The following MYCBP2 variants were observed in gnomAD, a reference collection of about 807,000 sequenced individuals.
MYCBP2 encodes E3 ubiquitin-protein ligase MYCBP2.
In MYCBP2, 120 loss-of-function variants were observed where a neutral mutation model predicts 525.3. The observed-to-expected ratio is 0.23, with a 90% CI of 0.20 to 0.27. The LOEUF is 0.27. MYCBP2 is among the 10% of genes least tolerant of loss of function. The pLI is 1.00. For missense variants in MYCBP2, 4,149 were observed against 5,657.1 expected (o/e 0.73, Z 8.55); for synonymous variants, 1,894 against 1,955.8 (o/e 0.97, Z 0.83).
intron 1 of MYCBP2, among the ~76,000 whole-genome samples, chr13:77,317,809 C>T (rs1029520068): frequency 4.6e-5 from 7 of 152,106 alleles, no homozygotes; most frequent in Non-Finnish European, 1.0e-4. Flanking sequence ...TGGTGATGTG[C>T]ACCTGTAGTC....
intron 49 of MYCBP2, 77 bp from the exon 50 acceptor site, chr13:77,141,020 TC>T (rs1262908326): frequency 2.7e-5 from 27 of 998,224 alleles, no homozygotes; most frequent in Non-Finnish European, 4.1e-5. Context: ...CTTATAAACA[TC>T]CACAGGCTAT....
intron 52 of MYCBP2, among the ~76,000 whole-genome samples, chr13:77,129,895 T>C (rs565123008): frequency 6.6e-6 from 1 of 152,016 alleles, no homozygotes; most frequent in South Asian, 2.1e-4. Flanking sequence ...TAATCAATTT[T>C]ATCAAAAGAC....
intron 30 of MYCBP2, among the ~76,000 whole-genome samples, chr13:77,188,606 A>G (rs2060986283): frequency 6.6e-6 from 1 of 152,158 alleles, no homozygotes; most frequent in Non-Finnish European, 1.5e-5. Flanking sequence ...TCAAGTAGTA[A>G]TCACGCTTTT....
At chr13:77,088,212 T>A (rs1049826815) in intron 61 of MYCBP2, among the ~76,000 whole-genome samples, 2 of 152,144 alleles carry the variant, frequency 1.3e-5, no homozygotes, top group African/African-American at 4.8e-5. Flanking sequence ...TTTTTTCAAA[T>A]CACATTTTAC....
intron 26 of MYCBP2, among the ~76,000 whole-genome samples, chr13:77,195,490 G>C (rs550514212): frequency 3.9e-5 from 6 of 152,020 alleles, no homozygotes; most frequent in Non-Finnish European, 7.4e-5. Flanking sequence ...CCAGCTACTC[G>C]GGAAGCTGAG....
chr13:77,127,162 G>A (rs1161575060), intron 52 of MYCBP2, among the ~76,000 whole-genome samples: 8 of 151,960 alleles, frequency 5.3e-5, no homozygotes, highest in Middle Eastern at 3.4e-3. Flanking sequence ...AAATAAAAAC[G>A]TCTTGCTAGA....
intron 18 of MYCBP2, among the ~76,000 whole-genome samples, chr13:77,228,762 A>T (rs1172176094): frequency 6.6e-6 from 1 of 151,656 alleles, no homozygotes; most frequent in Non-Finnish European, 1.5e-5. Context: ...AGTAGCTACA[A>T]AGCCTTGGCA....
intron 28 of MYCBP2, among the ~76,000 whole-genome samples, chr13:77,190,654 G>GC (rs966573012): frequency 6.6e-6 from 1 of 152,092 alleles, no homozygotes; most frequent in African/African-American, 2.4e-5. Context: ...TTGACTAGCT[G>GC]CATGATAAGC....
chr13:77,121,369 C>CT lies in MYCBP2; in HGVS notation c.8140+3dup. 6 of 1,532,404 alleles carry CT rather than the reference C, an allele frequency of 3.9e-6. No homozygotes were observed. The highest frequency in any genetic ancestry group is 5.3e-6 in the Non-Finnish European group (6 of 1,131,752). 94.9% of individuals were successfully genotyped at this position (1,532,404 alleles called of 1,614,324 possible). A position where few individuals can be genotyped will look rare whatever the true frequency, so the allele number is the denominator to read the frequency against. On this transcript the variant is annotated splice_donor_region_variant and intron_variant, in intron 55 of 82. Coordinates refer to ENST00000544440, the MANE Select transcript of MYCBP2 (RefSeq NM_015057.5). ...AAGTAAAAGACTTACTTTTAAATAC[C>CT]TACCTTTGCTATTTCCGAGTCCATA...
chr13:77,110,466 A>T (rs1395486107), intron 55 of MYCBP2, among the ~76,000 whole-genome samples: 3 of 152,124 alleles, frequency 2.0e-5, no homozygotes, highest in Non-Finnish European at 4.4e-5. Flanking sequence ...TGCACAGCTG[A>T]ACATAGACCC....
intron 55 of MYCBP2, among the ~76,000 whole-genome samples, chr13:77,113,780 A>G (rs186469401): frequency 6.6e-6 from 1 of 152,290 alleles, no homozygotes; most frequent in East Asian, 1.9e-4. Flanking sequence ...CAGTGAAGAT[A>G]AATTCAAGCC....
chr13:77,161,994 T>C, intron 43 of MYCBP2, 39 bp from the exon 44 acceptor site: 6 of 1,375,402 alleles, frequency 4.4e-6, no homozygotes, highest in Non-Finnish European at 5.1e-6. Flanking sequence ...AATATGTCAA[T>C]ATTTAGTTTA....
At chr13:77,311,607 T>C (rs1186907414) in intron 1 of MYCBP2, among the ~76,000 whole-genome samples, 1 of 145,886 alleles carries the variant, frequency 6.9e-6, no homozygotes, top group African/African-American at 2.5e-5. Flanking sequence ...CAAATGTAAA[T>C]GTTAAAAGTG....
Position 77,045,208 on chromosome 13 carries a change from T to C in MYCBP2, c.*170A>G, listed in dbSNP as rs1046633623. ...ACCAAAATAATGGGGAAACTTTTCATAGCAAGAATTATGTACATGGTATTT... is the reference window on the plus strand; with the variant it reads ...ACCAAAATAATGGGGAAACTTTTCACAGCAAGAATTATGTACATGGTATTT... On this transcript the variant is annotated 3_prime_UTR_variant, in exon 83 of 83. Transcript: ENST00000544440. The C allele has an allele frequency of 1.0e-5, 5 of 478,426 alleles. No homozygotes were observed. Among genetic ancestry groups the C allele is most frequent in the Non-Finnish European group, 1.8e-5 (5 of 270,604 alleles). The allele number at this position is 478,426 out of a possible 1,614,324, so 29.6% of individuals were successfully genotyped here. A position where few individuals can be genotyped will look rare whatever the true frequency, so the allele number is the denominator to read the frequency against.
At chr13:77,312,282 G>T (rs2080347209) in intron 1 of MYCBP2, among the ~76,000 whole-genome samples, 1 of 152,084 alleles carries the variant, frequency 6.6e-6, no homozygotes, top group Non-Finnish European at 1.5e-5. Flanking sequence ...CTTCAGGAAT[G>T]AAGAAAGAGC....
chr13:77,156,019 G>A, intron 46 of MYCBP2, 39 bp downstream of exon 46: 1 of 1,586,384 alleles, frequency 6.3e-7, no homozygotes, highest in Non-Finnish European at 8.6e-7. Flanking sequence ...ATTGCAGCCA[G>A]TATATAGATG....
chr13:77,311,495 T>C (rs142999420), intron 1 of MYCBP2, among the ~76,000 whole-genome samples: 475 of 151,476 alleles, frequency 3.1e-3, no homozygotes, highest in Non-Finnish European at 5.1e-3. Flanking sequence ...ATATGCTACA[T>C]TGAGGAAAGA....
intron 55 of MYCBP2, among the ~76,000 whole-genome samples, chr13:77,105,803 C>A (rs75710357): frequency 6.6e-5 from 10 of 152,022 alleles, no homozygotes; most frequent in Admixed American, 6.6e-4. Flanking sequence ...CAGGATTTTT[C>A]TCCAGTGCTC....
At chr13:77,310,738 C>G (rs549843022) in intron 1 of MYCBP2, among the ~76,000 whole-genome samples, 1 of 151,328 alleles carries the variant, frequency 6.6e-6, no homozygotes, top group South Asian at 2.1e-4. Flanking sequence ...GAAAGGATAC[C>G]AAGCAGGATA....
Sources: allele counts gnomAD v4.1 joint callset (sites outside exome capture counted in the v4.1 genomes callset), GRCh38; gene constraint gnomAD v4.1.1; transcripts MANE v1.5; gene names NCBI Gene and HGNC (gene_info 2026-07-23, HGNC 2026-07-21).